SOS1: variants seen among roughly 807,000 people sequenced by gnomAD.
SOS1 encodes son of sevenless homolog 1.
Under a neutral mutation model 157.6 loss-of-function variants are expected in SOS1, and 25 were observed. That is an observed-to-expected ratio of 0.16 (90% CI 0.12 to 0.22). SOS1 has a LOEUF of 0.22. Ranked by LOEUF, SOS1 falls within the 10% of genes least tolerant of loss-of-function variation. The pLI is 1.00. For synonymous variants in SOS1, 528 were observed against 534.0 expected, an observed-to-expected ratio of 0.99 and a Z score of 0.16; for missense variants, 1,237 against 1,599.1, an observed-to-expected ratio of 0.77 and a Z score of 3.86.
At position 38,995,226 on chromosome 2, in the gene SOS1, A is replaced by G; in HGVS notation, c.3243T>C (p.Asn1081=). ...GAGGTGTTAACGGTGTTCTTGGAGA[A>G]TTTGGTGCAGATGCTGTACTTTCTG... ...SETESTASAP[N]SPRTPLTPPP... The change falls in exon 20 of 23, where the codon AAT becomes AAC. Residue 1081 remains asparagine (N), a synonymous_variant. Coordinates refer to ENST00000402219, the MANE Select transcript of SOS1 (RefSeq NM_005633.4). 6.2e-7 allele frequency: 1 copy of G among 1,614,096 alleles called. No individual in the cohort carries two copies. The highest frequency in any genetic ancestry group is 8.5e-7 in the Non-Finnish European group (1 of 1,179,946).
At chr2:39,110,411 C>A (rs1673379662) in intron 1 of SOS1, among the ~76,000 whole-genome samples, 1 of 142,422 alleles carries the variant, frequency 7.0e-6, no homozygotes, top group Non-Finnish European at 1.5e-5. Flanking sequence ...AGAGGACTGA[C>A]TGCATATATA....
Position 39,006,485 on chromosome 2 carries a change from T to C in SOS1, c.2718A>G (p.Glu906=). 6.2e-7 allele frequency: 1 copy of C among 1,609,924 alleles called. No homozygotes were observed. Among genetic ancestry groups the C allele is most frequent in the South Asian group, 1.1e-5 (1 of 90,970 alleles). Residue 906 remains glutamate (E), a synonymous_variant, in exon 17 of 23, where the codon GAA becomes GAG. Transcript: ENST00000402219. The part of the protein sequence containing the change: ...RQKKILEEAH[E]LSEDHYKKYL... ...ATTTCTTATAGTGATCTTCACTCAA[T>C]TCATGAGCTTCTTCTAAAATTTTCT...
At chr2:39,092,051 A>C (rs1426286700) in intron 1 of SOS1, among the ~76,000 whole-genome samples, 1 of 152,126 alleles carries the variant, frequency 6.6e-6, no homozygotes, top group Admixed American at 6.5e-5. Flanking sequence ...TTTTTAACTT[A>C]AGTTTATGTC....
intron 6 of SOS1, among the ~76,000 whole-genome samples, chr2:39,045,432 T>G (rs77584135): frequency 0.057 from 8,619 of 152,250 alleles, 315 homozygotes; most frequent in Middle Eastern, 0.078. Context: ...TCTGTCAGTT[T>G]CTACTTCTTA....
chr2:39,070,504 C>T (rs1414196373), intron 1 of SOS1, among the ~76,000 whole-genome samples: 1 of 152,162 alleles, frequency 6.6e-6, no homozygotes, highest in Non-Finnish European at 1.5e-5. Context: ...CCCTAAGTAA[C>T]CTCATTTACT....
intron 2 of SOS1, among the ~76,000 whole-genome samples, chr2:39,064,858 C>T (rs1324623326): frequency 7.4e-6 from 1 of 135,630 alleles, no homozygotes; most frequent in Non-Finnish European, 1.5e-5. Flanking sequence ...AAGTGGTTCT[C>T]CTGCCTCAGC....
rs964535663 is a variant in SOS1 at position 39,083,539 on chromosome 2, T to C, written c.88-15786A>G. ...AGTAGCTGGAGCAAAACCCAAATTA[T>C]AAGCAGTTGAGGAGTAGATGGGAGG... is the stretch of plus-strand genomic sequence containing the variant. On this transcript the variant is annotated intron_variant, in intron 1 of 22. Coordinates refer to ENST00000402219, the MANE Select transcript of SOS1 (RefSeq NM_005633.4). Among the ~76,000 whole-genome samples the C allele has an allele frequency of 1.1e-4, 17 of 152,274 alleles. No individual in the cohort carries two copies. In the Middle Eastern group the frequency reaches 0.01, roughly 91 times the overall value.
At chr2:39,063,788 T>A (rs1020142090) in intron 2 of SOS1, among the ~76,000 whole-genome samples, 3 of 152,174 alleles carry the variant, frequency 2.0e-5, no homozygotes, top group Non-Finnish European at 2.9e-5. Context: ...TACTTTGAAT[T>A]ATGCTTATAC....
At chr2:39,095,291 T>A (rs1396287854) in intron 1 of SOS1, among the ~76,000 whole-genome samples, 1 of 152,144 alleles carries the variant, frequency 6.6e-6, no homozygotes, top group Admixed American at 6.5e-5. Context: ...ATTCTCAGAC[T>A]CCTGAGAATA....
intron 1 of SOS1, 93 bp downstream of exon 1, chr2:39,120,243 G>T: frequency 8.8e-7 from 1 of 1,142,580 alleles, no homozygotes; most frequent in African/African-American, 1.6e-5. Flanking sequence ...CGGGAAGAAA[G>T]ACGGCCCTGC....
At chr2:39,011,680 G>A (rs146723357) in intron 14 of SOS1, among the ~76,000 whole-genome samples, 9 of 152,310 alleles carry the variant, frequency 5.9e-5, no homozygotes, top group African/African-American at 1.4e-4. Context: ...TATAATGGCT[G>A]TAAGTTCACA....
intron 1 of SOS1, among the ~76,000 whole-genome samples, chr2:39,081,443 C>G (rs532853328): frequency 1.3e-5 from 2 of 151,962 alleles, no homozygotes; most frequent in African/African-American, 4.8e-5. Flanking sequence ...TCACTTGAAC[C>G]CTGGAGGCGG....
In SOS1 at chr2:38,996,994, C is replaced by T. The variant is rs1668916296; in HGVS notation, c.3009G>A (p.Lys1003=). The T allele has an allele frequency of 6.2e-7, 1 of 1,606,842 alleles. No individual in the cohort carries two copies. The highest frequency in any genetic ancestry group is 8.5e-7 in the Non-Finnish European group (1 of 1,173,752). The change falls in exon 19 of 23, where the codon AAG becomes AAA. Residue 1003 remains lysine (K), a synonymous_variant. Coordinates refer to ENST00000402219, the MANE Select transcript of SOS1 (RefSeq NM_005633.4). ...NLNPMGNSME[K]EFTDYLFNKS... ...TGTTGAAAAGATAATCTGTAAATTC[C>T]TTCTCCATGCTATTTCCCATCGGAT...
At chr2:39,091,317 T>C (rs559899346) in intron 1 of SOS1, among the ~76,000 whole-genome samples, 1 of 152,324 alleles carries the variant, frequency 6.6e-6, no homozygotes, top group South Asian at 2.1e-4. Context: ...CTTTGTACCC[T>C]AGTTCCTGGT....
intron 8 of SOS1, among the ~76,000 whole-genome samples, chr2:39,026,557 A>ATTT (rs1669972639): frequency 6.6e-6 from 1 of 152,216 alleles, no homozygotes; most frequent in African/African-American, 2.4e-5. Flanking sequence ...TCATAAAGAA[A>ATTT]GATACTAGGT....
At chr2:39,016,168 T>C (rs1366811884) in intron 10 of SOS1, among the ~76,000 whole-genome samples, 1 of 152,046 alleles carries the variant, frequency 6.6e-6, no homozygotes, top group Non-Finnish European at 1.5e-5. Context: ...ATACTTCCAA[T>C]CTATTGATAT....
At chr2:39,101,627 T>A (rs569588711) in intron 1 of SOS1, among the ~76,000 whole-genome samples, 2 of 152,210 alleles carry the variant, frequency 1.3e-5, no homozygotes, top group African/African-American at 2.4e-5. Flanking sequence ...ATTAGGAGTA[T>A]AAGGAAATGT....
At chr2:39,124,630 C>A (rs1286940892), upstream of SOS1, among the ~76,000 whole-genome samples, 1 of 152,260 alleles carries the variant, frequency 6.6e-6, no homozygotes, top group Non-Finnish European at 1.5e-5. Flanking sequence ...CCACAGTGAT[C>A]CTTCTGACGC....
Position 39,010,720 on chromosome 2 carries a change from A to G in SOS1, c.2391-17T>C, listed in dbSNP as rs551161418. On this transcript the variant is annotated splice_polypyrimidine_tract_variant and intron_variant, in intron 14 of 22. Coordinates refer to ENST00000402219, the MANE Select transcript of SOS1 (RefSeq NM_005633.4). ...TGTACAGCTCTAAAATCATCAATAC[A>G]TAATTCTACATGACACTTTTTTCTC... 7.5e-6 allele frequency: 12 copies of G among 1,594,100 alleles called. No individual in the cohort carries two copies. The highest frequency in any genetic ancestry group is 4.0e-5 in the African/African-American group (3 of 74,608).
Sources: allele counts gnomAD v4.1 joint callset (sites outside exome capture counted in the v4.1 genomes callset), GRCh38; gene constraint gnomAD v4.1.1; transcripts MANE v1.5; gene names NCBI Gene and HGNC (gene_info 2026-07-23, HGNC 2026-07-21).